STX8: variants seen among roughly 807,000 people sequenced by gnomAD.
The protein encoded by STX8 is syntaxin-8.
STX8 carries 23 observed loss-of-function variants against 37.5 expected under a neutral mutation model. The ratio of observed to expected loss-of-function variants is 0.61; its 90% CI spans 0.44 to 0.87. The LOEUF (loss-of-function observed/expected upper bound fraction) is 0.87, where lower values mean the gene tolerates loss of function less well. STX8 is among the 40% of genes least tolerant of loss of function. The pLI is 0.00. For synonymous variants in STX8, 115 were observed against 99.1 expected, an observed-to-expected ratio of 1.16 and a Z score of -0.95; for missense variants, 313 against 284.7, an observed-to-expected ratio of 1.10 and a Z score of -0.71.
At chr17:9,463,054 AAG>A (rs1385455041) in intron 6 of STX8, among the ~76,000 whole-genome samples, 1 of 152,230 alleles carries the variant, frequency 6.6e-6, no homozygotes, top group Non-Finnish European at 1.5e-5. Flanking sequence ...CTGGTCTTCT[AAG>A]AAGAGGGGAG....
At chr17:9,297,241 CAAAAAAAAAAAA>C (rs112089232) in intron 7 of STX8, among the ~76,000 whole-genome samples, 1 of 90,908 alleles carries the variant, frequency 1.1e-5, no homozygotes, top group African/African-American at 4.7e-5. Context: ...CCAGAGTTTG[CAAAAAAAAAAAA>C]AAAAGAAAAA....
At chr17:9,335,716 G>A (rs1309914064) in intron 7 of STX8, among the ~76,000 whole-genome samples, 1 of 151,540 alleles carries the variant, frequency 6.6e-6, no homozygotes, top group Admixed American at 6.6e-5. Flanking sequence ...TTTTAAAAAA[G>A]ATAATATATG....
chr17:9,536,747 A>ATTT (rs140609634), intron 4 of STX8, among the ~76,000 whole-genome samples: 3 of 145,356 alleles, frequency 2.1e-5, no homozygotes, highest in South Asian at 2.2e-4. Context: ...GCTTATTATT[A>ATTT]TTTTTTTTTT....
intron 7 of STX8, among the ~76,000 whole-genome samples, chr17:9,341,916 G>A (rs1187832252): frequency 1.3e-5 from 2 of 152,138 alleles, no homozygotes; most frequent in Non-Finnish European, 1.5e-5. Flanking sequence ...GGTGGCAGAC[G>A]AGACCATGTA....
intron 7 of STX8, among the ~76,000 whole-genome samples, chr17:9,286,994 G>C (rs1908097333): frequency 6.6e-6 from 1 of 152,146 alleles, no homozygotes; most frequent in Admixed American, 6.5e-5. Flanking sequence ...AATGAGGCCT[G>C]GAAGGATGAT....
chr17:9,523,393 T>C lies in STX8; in HGVS notation c.324-18231A>G, dbSNP rs8066214. Among the ~76,000 whole-genome samples, 1,304 of 149,626 alleles carry C rather than the reference T, an allele frequency of 8.7e-3. 20 individuals are homozygous for C. Among genetic ancestry groups the C allele is most frequent in the African/African-American group, 0.025 (1,030 of 40,616 alleles). On this transcript the variant is annotated intron_variant, in intron 4 of 7. Coordinates refer to ENST00000306357, the MANE Select transcript of STX8 (RefSeq NM_004853.3). ...TTAAATATATATGTACATATATATA[T>C]ACACACACACACATATATATATTTA...
At chr17:9,393,423 G>A (rs1042044399) in intron 6 of STX8, among the ~76,000 whole-genome samples, 4 of 152,172 alleles carry the variant, frequency 2.6e-5, no homozygotes, top group Admixed American at 6.5e-5. Flanking sequence ...AGCAGAAATG[G>A]TAAACATTTG....
intron 6 of STX8, among the ~76,000 whole-genome samples, chr17:9,456,844 T>C (rs1905199236): frequency 6.6e-6 from 1 of 152,234 alleles, no homozygotes. Context: ...TTACACTTAC[T>C]ATGAATCGGA....
intron 7 of STX8, among the ~76,000 whole-genome samples, chr17:9,357,728 A>G (rs975328601): frequency 3.9e-5 from 6 of 152,080 alleles, no homozygotes; most frequent in Admixed American, 2.0e-4. Flanking sequence ...ATAAAAAATT[A>G]AAATTTTTAA....
At chr17:9,552,992 A>G (rs904220148) in intron 3 of STX8, 1 of 152,128 alleles carries the variant, frequency 6.6e-6, no homozygotes. Flanking sequence ...ACACCAAAGT[A>G]CTTTTTGACA....
At chr17:9,271,923 A>G (rs545816147) in intron 7 of STX8, among the ~76,000 whole-genome samples, 8 of 152,286 alleles carry the variant, frequency 5.3e-5, no homozygotes, top group African/African-American at 1.7e-4. Flanking sequence ...TCTGGCGACT[A>G]TAAGTACGGA....
At chr17:9,322,827 A>AAAAAG (rs1909623412) in intron 7 of STX8, among the ~76,000 whole-genome samples, 1 of 148,662 alleles carries the variant, frequency 6.7e-6, no homozygotes, top group African/African-American at 2.6e-5. Context: ...AAAAAAAAAA[A>AAAAAG]AAAAAAAAAA....
chr17:9,315,116 A>C (rs969915417), intron 7 of STX8, among the ~76,000 whole-genome samples: 5 of 141,354 alleles, frequency 3.5e-5, no homozygotes, highest in African/African-American at 1.0e-4. Context: ...AAAAAAAAAA[A>C]CCAACAACAA....
chr17:9,547,642 A>AAAAAAAAAAAAAAAAAAAAAG (rs10694244), intron 3 of STX8, among the ~76,000 whole-genome samples: 10 of 115,854 alleles, frequency 8.6e-5, no homozygotes, highest in Non-Finnish European at 1.2e-4. Flanking sequence ...AAAAAAAAGA[A>AAAAAAAAAAAAAAAAAAAAAG]AAAAGAAAAG....
chr17:9,288,523 G>A (rs983749751), intron 7 of STX8, among the ~76,000 whole-genome samples: 26 of 152,054 alleles, frequency 1.7e-4, no homozygotes, highest in African/African-American at 4.3e-4. Flanking sequence ...TTAGCCGGGC[G>A]TGGTGGCAGG....
intron 6 of STX8, among the ~76,000 whole-genome samples, chr17:9,484,639 A>T (rs954874163): frequency 7.0e-6 from 1 of 141,928 alleles, no homozygotes; most frequent in African/African-American, 2.7e-5. Flanking sequence ...AACATGGTGA[A>T]ACCCTGTCTC....
intron 6 of STX8, among the ~76,000 whole-genome samples, chr17:9,483,995 T>G (rs1434418737): frequency 6.6e-6 from 1 of 152,214 alleles, no homozygotes; most frequent in African/African-American, 2.4e-5. Flanking sequence ...TGAGCAATAG[T>G]GTCATCTTCA....
chr17:9,361,326 A>C (rs1427941968), intron 7 of STX8, among the ~76,000 whole-genome samples: 2 of 152,268 alleles, frequency 1.3e-5, no homozygotes, highest in Non-Finnish European at 2.9e-5. Context: ...TTTTCTAAAT[A>C]CCACAGATTC....
intron 6 of STX8, among the ~76,000 whole-genome samples, chr17:9,403,735 C>T (rs1912707026): frequency 6.6e-6 from 1 of 151,988 alleles, no homozygotes; most frequent in African/African-American, 2.4e-5. Flanking sequence ...CAACCTCTGC[C>T]TCCCGGGTTC....
Sources: gnomAD v4.1 joint callset for allele counts (sites outside exome capture counted in the v4.1 genomes callset) on GRCh38, gnomAD v4.1.1 for gene constraint, MANE v1.5 for transcripts, NCBI Gene and HGNC (gene_info 2026-07-23, HGNC 2026-07-21) for gene names.